Variants in IPO9 observed in about 807,000 individuals in gnomAD.
The protein encoded by IPO9 is importin-9.
Under a neutral mutation model 128.6 loss-of-function variants are expected in IPO9, and 28 were observed. The ratio of observed to expected loss-of-function variants is 0.22; its 90% CI spans 0.16 to 0.30. IPO9 has a LOEUF of 0.30. Ranked by LOEUF, IPO9 falls within the 10% of genes least tolerant of loss-of-function variation. The pLI, the probability that IPO9 is intolerant of heterozygous loss-of-function variation, is 1.00. For missense variants in IPO9, 935 were observed against 1,293.9 expected, an observed-to-expected ratio of 0.72 and a Z score of 4.26; for synonymous variants, 455 against 475.8, an observed-to-expected ratio of 0.96 and a Z score of 0.57.
chr1:201,845,930 A>G (rs1431866069), intron 1 of IPO9, among the ~76,000 whole-genome samples: 2 of 152,150 alleles, frequency 1.3e-5, no homozygotes, highest in East Asian at 1.9e-4. Context: ...ACTCCTTTGC[A>G]AGTATATATT....
At chr1:201,854,975 C>T (rs1168760975) in intron 8 of IPO9, 52 bp downstream of exon 8, 1 of 1,466,742 alleles carries the variant, frequency 6.8e-7, no homozygotes, top group Non-Finnish European at 9.3e-7. Context: ...AGTTAGGAAT[C>T]TCGCACTGGG....
chr1:201,847,161 T>G, intron 1 of IPO9, 118 bp from the exon 2 acceptor site: 1 of 762,522 alleles, frequency 1.3e-6, no homozygotes. Flanking sequence ...TTATCAGCTC[T>G]TTTTGAAACA....
chr1:201,859,977 C>T (rs1469560803), intron 13 of IPO9, among the ~76,000 whole-genome samples: 1 of 151,936 alleles, frequency 6.6e-6, no homozygotes, highest in African/African-American at 2.4e-5. Context: ...AAAAAGGTAG[C>T]CCTTTACTAT....
At position 201,848,443 on chromosome 1, in the gene IPO9, A is replaced by G. The variant is rs1289266017; in HGVS notation, c.363A>G (p.Ile121Met). Residue 121 changes from isoleucine to methionine, a missense_variant, in exon 4 of 24, where the codon ATA becomes ATG. Around this residue, in one of 3 missense-constraint regions of IPO9, gnomAD observed 741 missense variants for 1,019.1 expected, o/e 0.73. Coordinates refer to ENST00000361565, the MANE Select transcript of IPO9 (RefSeq NM_018085.5). ...ELLPNGLRESISKVRSSVAYA... is the reference protein window; with the variant it reads ...ELLPNGLRESMSKVRSSVAYA... ...TGCCTAATGGGTTGAGAGAATCGAT[A>G]AGCAAAGTGCGCTCCAGTGTGGCCT... is the stretch of plus-strand genomic sequence containing the variant. 1 of 1,614,160 alleles carries G rather than the reference A, an allele frequency of 6.2e-7. No individual in the cohort carries two copies.
intron 1 of IPO9, among the ~76,000 whole-genome samples, chr1:201,832,632 T>A (rs982122700): frequency 2.0e-5 from 3 of 152,200 alleles, no homozygotes; most frequent in Non-Finnish European, 4.4e-5. Context: ...GTTCTGGTAA[T>A]CTTTTGATCA....
In IPO9 at chr1:201,836,695, G is replaced by A. The variant is rs181666263; in HGVS notation, c.163+7323G>A. 8.5e-4 allele frequency among the ~76,000 whole-genome samples: 130 copies of A among 152,286 alleles called. 1 individual carries two copies. Among genetic ancestry groups the A allele is most frequent in the African/African-American group, 3.0e-3 (124 of 41,546 alleles). On this transcript the variant is annotated intron_variant, in intron 1 of 23. Coordinates refer to ENST00000361565, the MANE Select transcript of IPO9 (RefSeq NM_018085.5). The stretch of plus-strand genomic sequence containing the variant: ...AGTGATATCCTTGTATTTCTAGTAG[G>A]TATGTGGTCTAGACAGAATAAATTG...
intron 21 of IPO9, 23 bp from the exon 22 acceptor site, chr1:201,874,809 A>G (rs772228131): frequency 1.3e-6 from 2 of 1,499,282 alleles, no homozygotes; most frequent in African/African-American, 2.8e-5. Context: ...CTCTAGCTCT[A>G]GCTGCTTTTC....
chr1:201,858,816 G>A, intron 12 of IPO9, 39 bp from the exon 13 acceptor site: 1 of 1,568,232 alleles, frequency 6.4e-7, no homozygotes, highest in South Asian at 1.2e-5. Flanking sequence ...TCTTTTGGCA[G>A]TTTAGTATGT....
rs886512834 is a variant in IPO9, at chr1:201,848,682, C to A, written c.514+88C>A. ...AAGCTATGTGATATAATGGCCTGGA[C>A]CAGTAGGAATTGCTGCTGATGTTAT... On this transcript the variant is annotated intron_variant, in intron 4 of 23. Transcript: ENST00000361565. 20 of 1,294,356 alleles carry A rather than the reference C, an allele frequency of 1.5e-5. No homozygotes were observed. In the African/African-American group the frequency reaches 2.3e-4, roughly 15 times the overall value. 80.2% of individuals were successfully genotyped at this position (1,294,356 alleles called of 1,614,324 possible).
chr1:201,841,268 A>G (rs911772370), intron 1 of IPO9, among the ~76,000 whole-genome samples: 1 of 152,218 alleles, frequency 6.6e-6, no homozygotes, highest in Non-Finnish European at 1.5e-5. Context: ...ATACACCAAA[A>G]TTGTAGTTCA....
intron 13 of IPO9, among the ~76,000 whole-genome samples, chr1:201,862,211 A>G (rs1002934842): frequency 3.9e-5 from 6 of 152,260 alleles, no homozygotes; most frequent in African/African-American, 1.4e-4. Context: ...TAATCTCAGC[A>G]CTTTGGGAGG....
intron 3 of IPO9, 88 bp downstream of exon 3, chr1:201,847,726 G>A (rs1455185375): frequency 6.5e-6 from 6 of 927,330 alleles, no homozygotes; most frequent in Non-Finnish European, 1.0e-5. Context: ...ACAGCATGGA[G>A]CAATCAAAAG....
At chr1:201,862,763 A>G (rs1181810594) in intron 13 of IPO9, among the ~76,000 whole-genome samples, 2 of 148,284 alleles carry the variant, frequency 1.3e-5, no homozygotes, top group African/African-American at 5.0e-5. Context: ...CCGAGATCGC[A>G]CTGTTGCACT....
At chr1:201,845,374 C>A (rs1680108404) in intron 1 of IPO9, among the ~76,000 whole-genome samples, 1 of 152,150 alleles carries the variant, frequency 6.6e-6, no homozygotes, top group Admixed American at 6.5e-5. Context: ...AGGAAACTTA[C>A]CTAATGACAG....
At chr1:201,844,171 T>C (rs1332321626) in intron 1 of IPO9, among the ~76,000 whole-genome samples, 1 of 152,092 alleles carries the variant, frequency 6.6e-6, no homozygotes, top group African/African-American at 2.4e-5. Context: ...TACCTATAAG[T>C]AGAGAAACCC....
chr1:201,857,054 T>A (rs1443517826), intron 10 of IPO9, 42 bp from the exon 11 acceptor site: 3 of 1,168,544 alleles, frequency 2.6e-6, no homozygotes, highest in Non-Finnish European at 3.9e-6. Flanking sequence ...AAGCTATGAA[T>A]CAGATTGGCA....
In IPO9 at chr1:201,877,085, C is replaced by T. The variant is rs1043328314; in HGVS notation, c.*1031C>T. ...GTCTAAACATTCTAGTGTGTCTTGG[C>T]AAACATAGCCTGAAATGATTCTTAA... On this transcript the variant is annotated 3_prime_UTR_variant, in exon 24 of 24. Coordinates refer to ENST00000361565, the MANE Select transcript of IPO9 (RefSeq NM_018085.5). 2.0e-5 allele frequency: 3 copies of T among 152,326 alleles called. No homozygotes were observed. Among genetic ancestry groups the T allele is most frequent in the Admixed American group, 6.5e-5 (1 of 15,276 alleles). The allele number at this position is 152,326 out of a possible 1,614,324, so 9.4% of individuals were successfully genotyped here.
rs775865017 is a variant in IPO9, at chr1:201,880,412, G to A, written c.*4358G>A. 1.3e-5 allele frequency: 2 copies of A among 152,186 alleles called. No homozygotes were observed. The highest frequency in any genetic ancestry group is 2.9e-5 in the Non-Finnish European group (2 of 68,024). The allele number at this position is 152,186 out of a possible 1,614,324, so 9.4% of individuals were successfully genotyped here. A position where few individuals can be genotyped will look rare whatever the true frequency, so the allele number is the denominator to read the frequency against. On this transcript the variant is annotated 3_prime_UTR_variant, in exon 24 of 24. Coordinates refer to ENST00000361565, the MANE Select transcript of IPO9 (RefSeq NM_018085.5). ...TCCTCTGCCAGAGGAAGGCTAAGAT[G>A]TAGAGGACAAATCGTGTCAAGGAAA...
At chr1:201,844,387 T>C (rs1183398653) in intron 1 of IPO9, among the ~76,000 whole-genome samples, 4 of 152,156 alleles carry the variant, frequency 2.6e-5, no homozygotes, top group Non-Finnish European at 1.5e-5. Context: ...CTGATCGATA[T>C]TCACCAGAAG....
Sources: gnomAD v4.1 joint callset for allele counts (sites outside exome capture counted in the v4.1 genomes callset) on GRCh38, gnomAD v4.1.1 for gene constraint, gnomAD v4.1.1 regional missense constraint, MANE v1.5 for transcripts, NCBI Gene and HGNC (gene_info 2026-07-23, HGNC 2026-07-21) for gene names.